Variants in MIER2 observed in about 807,000 individuals in gnomAD.
MIER2 encodes MIER family member 2, also known as mesoderm induction early response protein 2.
A neutral mutation model predicts 67.6 loss-of-function variants in MIER2; 30 were observed. That is an observed-to-expected ratio of 0.44 (90% CI 0.33 to 0.60). MIER2 has a LOEUF of 0.60. Ranked by LOEUF, MIER2 falls within the 20% of genes least tolerant of loss-of-function variation. The probability of loss-of-function intolerance (pLI) is 0.02; values close to 1 mark genes in which losing one functional copy is unlikely to be tolerated. For synonymous variants in MIER2, 372 were observed against 312.6 expected (o/e 1.19, Z -2.00); for missense variants, 702 against 745.1 (o/e 0.94, Z 0.67).
chr19:318,073 G>A (rs893667761), intron 7 of MIER2, among the ~76,000 whole-genome samples: 17 of 152,176 alleles, frequency 1.1e-4, no homozygotes, highest in Admixed American at 2.6e-4. Context: ...GCATGGTGGC[G>A]GACGCCTGTA....
Position 335,726 on chromosome 19 carries a change from C to T in MIER2, c.100+357G>A, listed in dbSNP as rs557664280. ...GAACCCGGGGTGCTGCCTGTCTCGC[C>T]GCCCTCCACCTTCTCAGCCCCGGCT... On this transcript the variant is annotated intron_variant, in intron 2 of 13. Coordinates refer to ENST00000264819, the MANE Select transcript of MIER2 (RefSeq NM_017550.3). Among the ~76,000 whole-genome samples the T allele has an allele frequency of 5.3e-5, 8 of 152,298 alleles. No individual in the cohort carries two copies. The South Asian group carries it at 8.3e-4, about 16-fold the overall frequency.
intron 13 of MIER2, 149 bp from the exon 14 acceptor site, chr19:306,860 C>G (rs1358240784): frequency 1.5e-5 from 20 of 1,310,050 alleles, no homozygotes; most frequent in Non-Finnish European, 3.2e-6. Context: ...CTGAGGGGAG[C>G]TGGTGGCTGG....
chr19:307,740 T>A (rs1970722744), intron 12 of MIER2, among the ~76,000 whole-genome samples: 1 of 131,716 alleles, frequency 7.6e-6, no homozygotes. Flanking sequence ...TTTTAGTTCA[T>A]CAGACCAACA....
rs531180998 is a variant in MIER2, at chr19:322,910, G to A, written c.655+2725C>T. Among the ~76,000 whole-genome samples the A allele has an allele frequency of 7.2e-5, 11 of 151,792 alleles. No homozygotes were observed. In the East Asian group the frequency reaches 7.8e-4, roughly 11 times the overall value. The stretch of plus-strand genomic sequence containing the variant: ...ATGTGGCATCCAAACCAAGGACCAC[G>A]ATGCAACACACAAGACACACACAAC... On this transcript the variant is annotated intron_variant, in intron 7 of 13. Transcript: ENST00000264819.
chr19:341,006 C>T (rs1009680357), intron 1 of MIER2, among the ~76,000 whole-genome samples: 1 of 152,174 alleles, frequency 6.6e-6, no homozygotes, highest in African/African-American at 2.4e-5. Flanking sequence ...GCAGAGATGG[C>T]CTCACCTCTT....
intron 7 of MIER2, among the ~76,000 whole-genome samples, chr19:315,748 C>T (rs1971210525): frequency 6.6e-6 from 1 of 152,176 alleles, no homozygotes; most frequent in African/African-American, 2.4e-5. Flanking sequence ...AAATGAGTGA[C>T]AGAGAAAGCA....
At chr19:333,136 T>G (rs1453055884) in intron 3 of MIER2, among the ~76,000 whole-genome samples, 1 of 92,900 alleles carries the variant, frequency 1.1e-5, no homozygotes. Context: ...GGGACTACAG[T>G]CACCCGCCAC....
chr19:336,610 G>A (rs951512245), intron 1 of MIER2, among the ~76,000 whole-genome samples: 5 of 152,188 alleles, frequency 3.3e-5, no homozygotes, highest in Non-Finnish European at 7.3e-5. Flanking sequence ...TGGGGGCCAG[G>A]AGCCAGGGAG....
chr19:307,131 T>C lies in MIER2; in HGVS notation c.1604A>G (p.Glu535Gly). 2 of 1,583,278 alleles carry C rather than the reference T, an allele frequency of 1.3e-6. No homozygotes were observed. The highest frequency in any genetic ancestry group is 1.7e-6 in the Non-Finnish European group (2 of 1,165,028). Reference sequence around the variant, plus strand: ...GGGTGGCACTCACTGTGACAGGGGCTCCGAGTGTAGCCCGGGGGCCGGGCA... The same window carrying C: ...GGGTGGCACTCACTGTGACAGGGGCCCCGAGTGTAGCCCGGGGGCCGGGCA... Reference protein sequence around the residue: ...PTCPAPGLHSEPLSHCNVMTC With the variant: ...PTCPAPGLHSGPLSHCNVMTC The change falls in exon 13 of 14, where the codon GAG becomes GGG. Residue 535 changes from glutamate (E) to glycine (G), a missense_variant. Coordinates refer to ENST00000264819, the MANE Select transcript of MIER2 (RefSeq NM_017550.3).
intron 3 of MIER2, among the ~76,000 whole-genome samples, chr19:330,546 C>CA (rs1040929814): frequency 6.9e-5 from 5 of 72,272 alleles, no homozygotes; most frequent in East Asian, 4.4e-4. Flanking sequence ...GACCCTGTCT[C>CA]AAAAAAAAGA....
chr19:321,739 G>A (rs964280834), intron 7 of MIER2, among the ~76,000 whole-genome samples: 3 of 152,032 alleles, frequency 2.0e-5, no homozygotes, highest in African/African-American at 7.2e-5. Flanking sequence ...AAAGTTAGAA[G>A]ACTTGCACCA....
Position 307,139 on chromosome 19 carries a change from T to C in MIER2, c.1596A>G (p.Leu532=). 1 of 1,585,154 alleles carries C rather than the reference T, an allele frequency of 6.3e-7. No homozygotes were observed. The highest frequency in any genetic ancestry group is 8.6e-7 in the Non-Finnish European group (1 of 1,166,010). Residue 532 remains leucine, a synonymous_variant, in exon 13 of 14, where the codon CTA becomes CTG. Transcript: ENST00000264819. ...AAHPTCPAPG[L]HSEPLSHCNV... is the part of the protein sequence containing the mutation. ...CTCACTGTGACAGGGGCTCCGAGTG[T>C]AGCCCGGGGGCCGGGCACGTGGGGT...
intron 8 of MIER2, among the ~76,000 whole-genome samples, chr19:313,145 C>T (rs1156438437): frequency 7.4e-5 from 10 of 135,038 alleles, no homozygotes; most frequent in African/African-American, 1.9e-4. Context: ...CCCTCCTGGG[C>T]GATGTCAGAG....
chr19:310,514 C>T (rs940654269), intron 10 of MIER2, among the ~76,000 whole-genome samples: 99 of 66,834 alleles, frequency 1.5e-3, no homozygotes, highest in African/African-American at 9.2e-3. Context: ...TACAAAAACG[C>T]GGCCCTGAGC....
chr19:307,020 C>A (rs1487435553), intron 13 of MIER2, 99 bp downstream of exon 13: 4 of 1,385,956 alleles, frequency 2.9e-6, no homozygotes, highest in African/African-American at 2.9e-5. Flanking sequence ...GTCCTCGGGT[C>A]CTTGGGGCAA....
At chr19:334,258 C>A in intron 3 of MIER2, 142 bp downstream of exon 3, 1 of 1,218,246 alleles carries the variant, frequency 8.2e-7, no homozygotes. Flanking sequence ...TGAATTTCAG[C>A]TACTAGGACA....
At chr19:327,284 A>C (rs954780112) in intron 4 of MIER2, 28 bp from the exon 5 acceptor site, 3 of 1,567,398 alleles carry the variant, frequency 1.9e-6, no homozygotes, top group Admixed American at 2.1e-5. Context: ...AAAGTAAAGA[A>C]CATTTTACAG....
At chr19:327,800 A>G in intron 4 of MIER2, 64 bp downstream of exon 4, 1 of 1,594,626 alleles carries the variant, frequency 6.3e-7, no homozygotes, top group Non-Finnish European at 8.5e-7. Flanking sequence ...CCCTCTGCAG[A>G]GAGGCAGCGC....
chr19:314,579 G>A (rs960922185), intron 7 of MIER2, among the ~76,000 whole-genome samples: 1 of 152,140 alleles, frequency 6.6e-6, no homozygotes, highest in African/African-American at 2.4e-5. Context: ...GCGGTAACTA[G>A]CTCCCAGGTT....
Sources: gnomAD v4.1 joint callset for allele counts (sites outside exome capture counted in the v4.1 genomes callset) on GRCh38, gnomAD v4.1.1 for gene constraint, MANE v1.5 for transcripts, NCBI Gene and HGNC (gene_info 2026-07-23, HGNC 2026-07-21) for gene names.